Variants in CPE observed in about 807,000 individuals in gnomAD.
The protein encoded by CPE is carbocypeptidase E.
In CPE, 17 loss-of-function variants were observed where a neutral mutation model predicts 53.5. The observed-to-expected ratio is 0.32, with a 90% CI of 0.22 to 0.48. The LOEUF (loss-of-function observed/expected upper bound fraction) is 0.48, where lower values mean the gene tolerates loss of function less well. Ranked by LOEUF, CPE falls within the 20% of genes least tolerant of loss-of-function variation. CPE has a pLI of 0.99. For synonymous variants in CPE, 226 were observed against 228.8 expected, an observed-to-expected ratio of 0.99 and a Z score of 0.11; for missense variants, 524 against 614.7, an observed-to-expected ratio of 0.85 and a Z score of 1.56.
chr4:165,422,904 G>A (rs1409937188), intron 1 of CPE, among the ~76,000 whole-genome samples: 3 of 150,600 alleles, frequency 2.0e-5, no homozygotes, highest in Non-Finnish European at 1.5e-5. Context: ...GTGAACTCGG[G>A]AGGCGGAGCT....
chr4:165,489,699 A>T (rs906853052), intron 6 of CPE, among the ~76,000 whole-genome samples: 1 of 152,242 alleles, frequency 6.6e-6, no homozygotes, highest in African/African-American at 2.4e-5. Context: ...GAAAAAAAAT[A>T]ATACAAAACA....
intron 1 of CPE, among the ~76,000 whole-genome samples, chr4:165,414,259 G>A (rs555346768): frequency 6.6e-6 from 1 of 152,210 alleles, no homozygotes; most frequent in South Asian, 2.1e-4. Context: ...CTTGAAAACA[G>A]TTCTGCATCT....
chr4:165,468,890 T>A (rs1732152280), intron 3 of CPE, among the ~76,000 whole-genome samples: 1 of 152,242 alleles, frequency 6.6e-6, no homozygotes. Context: ...GATGGTTAAG[T>A]ATGGAGACTC....
intron 3 of CPE, among the ~76,000 whole-genome samples, chr4:165,469,817 A>C (rs1165107558): frequency 6.6e-6 from 1 of 152,238 alleles, no homozygotes; most frequent in African/African-American, 2.4e-5. Flanking sequence ...CTCAGCAAAC[A>C]AATCACAATA....
At chr4:165,450,018 C>T (rs1429440885) in intron 1 of CPE, among the ~76,000 whole-genome samples, 2 of 152,042 alleles carry the variant, frequency 1.3e-5, no homozygotes, top group African/African-American at 4.8e-5. Context: ...TTTAAGTTGA[C>T]ATTTTGAGAT....
chr4:165,446,978 G>C (rs1416915458), intron 1 of CPE, among the ~76,000 whole-genome samples: 1 of 152,172 alleles, frequency 6.6e-6, no homozygotes, highest in Non-Finnish European at 1.5e-5. Context: ...ACACATGTAG[G>C]TTATGTGGTA....
chr4:165,472,121 T>C (rs1732217440), intron 3 of CPE, among the ~76,000 whole-genome samples: 1 of 152,204 alleles, frequency 6.6e-6, no homozygotes, highest in African/African-American at 2.4e-5. Flanking sequence ...GGATCAGCAA[T>C]GTTTTAAGCA....
chr4:165,401,008 T>C (rs1730857653), intron 1 of CPE, among the ~76,000 whole-genome samples: 1 of 152,216 alleles, frequency 6.6e-6, no homozygotes, highest in Non-Finnish European at 1.5e-5. Context: ...CATCACCAGT[T>C]CTAATGAGCC....
At position 165,444,134 on chromosome 4, in the gene CPE, G is replaced by A. The variant is rs1418572798; in HGVS notation, c.308-20256G>A. ...CCAGGCGTCAACATATGAATTTTGA[G>A]GGTGCACGATTTAGCCCGTAACACC... On this transcript the variant is annotated intron_variant, in intron 1 of 8. Transcript: ENST00000402744. Among the ~76,000 whole-genome samples the A allele has an allele frequency of 3.6e-4, 55 of 152,094 alleles. 1 individual carries two copies. Among genetic ancestry groups the A allele is most frequent in the African/African-American group, 2.4e-5 (1 of 41,394 alleles).
At position 165,386,654 on chromosome 4, in the gene CPE, A is replaced by G. The variant is rs142298394; in HGVS notation, c.307+7126A>G. 4.7e-3 allele frequency among the ~76,000 whole-genome samples: 722 copies of G among 152,354 alleles called. 4 individuals are homozygous for G. The highest frequency in any genetic ancestry group is 0.016 in the African/African-American group (652 of 41,594). ...GAACTTGCTGTGTTTGTTGTCTCAT[A>G]TAACTGGACTAGTAAGGGGCTGTCT... is the stretch of plus-strand genomic sequence containing the variant. On this transcript the variant is annotated intron_variant, in intron 1 of 8. Coordinates refer to ENST00000402744, the MANE Select transcript of CPE (RefSeq NM_001873.4).
intron 1 of CPE, among the ~76,000 whole-genome samples, chr4:165,447,605 G>T (rs988660928): frequency 8.0e-5 from 12 of 150,736 alleles, no homozygotes; most frequent in Non-Finnish European, 1.5e-4. Context: ...GAAAAGAAAA[G>T]AAATATCTTT....
At chr4:165,449,745 C>T (rs1731776414) in intron 1 of CPE, among the ~76,000 whole-genome samples, 1 of 148,242 alleles carries the variant, frequency 6.7e-6, no homozygotes, top group South Asian at 2.2e-4. Flanking sequence ...AAGAGAAATT[C>T]TTTTTTTTTT....
intron 1 of CPE, among the ~76,000 whole-genome samples, chr4:165,392,884 TA>T (rs1730708174): frequency 7.2e-6 from 1 of 139,432 alleles, no homozygotes. Flanking sequence ...CATATATAAA[TA>T]ATATATATAT....
chr4:165,464,557 C>A lies in CPE; in HGVS notation c.475C>A (p.Pro159Thr). 2 of 1,612,306 alleles carry A rather than the reference C, an allele frequency of 1.2e-6. No individual in the cohort carries two copies. The highest frequency in any genetic ancestry group is 1.7e-6 in the Non-Finnish European group (2 of 1,179,048). The change falls in exon 2 of 9, where the codon CCA becomes ACA. Residue 159 changes from proline (P) to threonine (T), a missense_variant. Physicochemically the swap from Pro to Thr is conservative, Grantham distance 38. Coordinates refer to ENST00000402744, the MANE Select transcript of CPE (RefSeq NM_001873.4). ...CATTCACATCATGCCTTCCCTGAAC[C>A]CAGATGGCTTTGAGAAGGCAGCGTC... ...TRIHIMPSLN[P>T]DGFEKAASQP...
intron 1 of CPE, among the ~76,000 whole-genome samples, chr4:165,411,443 A>AG (rs1307623987): frequency 6.6e-6 from 1 of 152,124 alleles, no homozygotes. Context: ...ACCACCTGGT[A>AG]GGTACCCTTG....
intron 3 of CPE, among the ~76,000 whole-genome samples, chr4:165,480,911 G>T (rs1732395289): frequency 6.6e-6 from 1 of 150,742 alleles, no homozygotes; most frequent in Non-Finnish European, 1.5e-5. Context: ...ACAAATGTTA[G>T]TAGTGGATAT....
At chr4:165,455,132 A>G (rs1450367199) in intron 1 of CPE, among the ~76,000 whole-genome samples, 2 of 152,202 alleles carry the variant, frequency 1.3e-5, no homozygotes, top group East Asian at 3.8e-4. Flanking sequence ...TCTCATGGAA[A>G]TTATTTTCCA....
At position 165,477,946 on chromosome 4, in the gene CPE, C is replaced by T. The variant is rs1168986298; in HGVS notation, c.673-4296C>T. Among the ~76,000 whole-genome samples, 3 of 152,166 alleles carry T rather than the reference C, an allele frequency of 2.0e-5. No homozygotes were observed. The East Asian group carries it at 5.8e-4, about 29-fold the overall frequency. On this transcript the variant is annotated intron_variant, in intron 3 of 8. Transcript: ENST00000402744. ...CTCTCTTGCTCTCCCAGACTTCCTT[C>T]TCTAAGTCGTTTGTCATCGGCTCTT...
At chr4:165,447,640 T>C (rs1418159411) in intron 1 of CPE, among the ~76,000 whole-genome samples, 1 of 152,000 alleles carries the variant, frequency 6.6e-6, no homozygotes, top group East Asian at 1.9e-4. Context: ...AAATTAACCT[T>C]AGCTTACAGT....
Sources: gnomAD v4.1 joint callset for allele counts (sites outside exome capture counted in the v4.1 genomes callset) on GRCh38, gnomAD v4.1.1 for gene constraint, MANE v1.5 for transcripts, NCBI Gene and HGNC (gene_info 2026-07-23, HGNC 2026-07-21) for gene names.